LITAF: variants seen among roughly 807,000 people sequenced by gnomAD.
The protein encoded by LITAF is lipopolysaccharide-induced tumor necrosis factor-alpha factor.
Under a neutral mutation model 14.5 loss-of-function variants are expected in LITAF, and 9 were observed. The observed-to-expected ratio is 0.62, with a 90% CI of 0.37 to 1.08. LITAF has a LOEUF of 1.08. Among genes scored for constraint, LITAF ranks in the 50% least tolerant of loss-of-function variants. The probability of loss-of-function intolerance (pLI) is 0.01; values close to 1 mark genes in which losing one functional copy is unlikely to be tolerated. For missense variants in LITAF, 206 were observed against 213.4 expected, an observed-to-expected ratio of 0.97 and a Z score of 0.22; for synonymous variants, 98 against 88.2, an observed-to-expected ratio of 1.11 and a Z score of -0.62.
intron 1 of LITAF, chr16:11,561,513 A>G (rs2064365702): frequency 6.6e-6 from 1 of 152,226 alleles, no homozygotes; most frequent in Admixed American, 6.5e-5. Flanking sequence ...TGGGATTTCG[A>G]GACACTGCAT....
At chr16:11,604,858 G>T (rs763025530) in intron 3 of LITAF, among the ~76,000 whole-genome samples, 1 of 151,422 alleles carries the variant, frequency 6.6e-6, no homozygotes, top group Non-Finnish European at 1.5e-5. Context: ...CCCCTGAAAC[G>T]CTGCGTCAAA....
chr16:11,571,427 T>G (rs1284631194), intron 1 of LITAF, among the ~76,000 whole-genome samples: 1 of 152,312 alleles, frequency 6.6e-6, no homozygotes, highest in Admixed American at 6.5e-5. Flanking sequence ...AACTGGAAGA[T>G]ACTACATTCA....
At chr16:11,578,820 G>GT (rs1260497675) in intron 1 of LITAF, among the ~76,000 whole-genome samples, 2 of 152,278 alleles carry the variant, frequency 1.3e-5, no homozygotes, top group African/African-American at 4.8e-5. Flanking sequence ...TCTTCAAAAA[G>GT]TATCTAGGTT....
rs2065065972 is a variant in LITAF at position 11,623,749 on chromosome 16, C to A, written c.85+9784G>T. ...TGGAAGGTCGAGGTGGGCAGATTAC[C>A]TGAGGTCAGGAGTTCGAGACCAGCC... is the stretch of plus-strand genomic sequence containing the variant. On this transcript the variant is annotated intron_variant, in intron 3 of 3. Coordinates refer to the LITAF transcript ENST00000574848. Among the ~76,000 whole-genome samples the A allele has an allele frequency of 2.7e-5, 4 of 150,868 alleles. No individual in the cohort carries two copies. The South Asian group carries it at 8.4e-4, about 32-fold the overall frequency.
At chr16:11,594,979 C>T (rs1426089556) in intron 1 of LITAF, among the ~76,000 whole-genome samples, 1 of 152,040 alleles carries the variant, frequency 6.6e-6, no homozygotes, top group Non-Finnish European at 1.5e-5. Context: ...GGGAATTTTT[C>T]GTCCTTTTGC....
At chr16:11,563,899 T>C (rs868251831) in intron 1 of LITAF, among the ~76,000 whole-genome samples, 29 of 151,976 alleles carry the variant, frequency 1.9e-4, no homozygotes, top group African/African-American at 6.0e-4. Flanking sequence ...AGCATCTCCA[T>C]CTCAGTTTTG....
At chr16:11,637,956 CTA>C (rs1220050064), upstream of LITAF, among the ~76,000 whole-genome samples, 6 of 53,166 alleles carry the variant, frequency 1.1e-4, 1 homozygote, top group East Asian at 1.7e-3. Flanking sequence ...CTATATATAT[CTA>C]TATATATCTA....
chr16:11,554,567 T>C (rs557821443), intron 2 of LITAF, among the ~76,000 whole-genome samples: 1 of 151,990 alleles, frequency 6.6e-6, no homozygotes, highest in Admixed American at 6.6e-5. Context: ...CCGAGGTGCG[T>C]GGATCACCAG....
chr16:11,606,930 C>T (rs762668261), intron 3 of LITAF, among the ~76,000 whole-genome samples: 9 of 152,178 alleles, frequency 5.9e-5, no homozygotes, highest in Non-Finnish European at 1.0e-4. Context: ...TGAGCCACTG[C>T]GCCCGGCCTA....
chr16:11,581,387 C>G (rs2064731176), intron 1 of LITAF, among the ~76,000 whole-genome samples: 1 of 152,146 alleles, frequency 6.6e-6, no homozygotes, highest in South Asian at 2.1e-4. Context: ...AGGCTCATGC[C>G]TGTAATGGCA....
intron 3 of LITAF, among the ~76,000 whole-genome samples, chr16:11,613,361 C>G (rs1268310967): frequency 2.6e-5 from 4 of 152,194 alleles, no homozygotes; most frequent in African/African-American, 7.2e-5. Context: ...GACCAGACCT[C>G]CTGGGTCACC....
chr16:11,564,416 C>G (rs1462296495), intron 1 of LITAF, among the ~76,000 whole-genome samples: 1 of 152,160 alleles, frequency 6.6e-6, no homozygotes, highest in Non-Finnish European at 1.5e-5. Flanking sequence ...TCAGAATTCT[C>G]TGGAATAGGC....
chr16:11,562,313 C>CAAAAA (rs57317505), intron 1 of LITAF, among the ~76,000 whole-genome samples: 11 of 61,406 alleles, frequency 1.8e-4, no homozygotes, highest in Admixed American at 3.8e-4. Context: ...GACTCCGTCT[C>CAAAAA]AAAAAAAAAA....
chr16:11,574,402 G>C lies in LITAF; in HGVS notation c.-6+12484C>G, dbSNP rs187016039. Among the ~76,000 whole-genome samples, 641 of 152,222 alleles carry C rather than the reference G, an allele frequency of 4.2e-3. 3 individuals are homozygous for C. Among genetic ancestry groups the C allele is most frequent in the South Asian group, 0.022 (104 of 4,828 alleles). On this transcript the variant is annotated intron_variant, in intron 1 of 3. Coordinates refer to ENST00000622633, the MANE Select transcript of LITAF (RefSeq NM_001136472.2). ...CAAAGGCATACATAAGAAACTTAAC[G>C]GTCGGTGTTTGTCGGGAAGGGAACC... is the stretch of plus-strand genomic sequence containing the variant.
At position 11,557,606 on chromosome 16, in the gene LITAF, C is replaced by T. The variant is rs555618901; in HGVS notation, c.-5-871G>A. Among the ~76,000 whole-genome samples, 8 of 152,066 alleles carry T rather than the reference C, an allele frequency of 5.3e-5. No individual in the cohort carries two copies. In the East Asian group the frequency reaches 7.7e-4, roughly 15 times the overall value. ...CTGGGACTACAGGCATGTGCCCCCC[C>T]GCCCGGCTAATGTTTTCATTTTTTG... On this transcript the variant is annotated intron_variant, in intron 1 of 3. Coordinates refer to ENST00000622633, the MANE Select transcript of LITAF (RefSeq NM_001136472.2).
rs1215945264 is a variant in LITAF, at chr16:11,632,776, C to T, written c.85+757G>A. Among the ~76,000 whole-genome samples the T allele has an allele frequency of 6.6e-6, 1 of 152,214 alleles. No individual in the cohort carries two copies. Among genetic ancestry groups the T allele is most frequent in the Non-Finnish European group, 1.5e-5 (1 of 68,026 alleles). On this transcript the variant is annotated intron_variant, in intron 3 of 3. Coordinates refer to the LITAF transcript ENST00000574848. This position sits in a 1 kb window ranked among gnomAD's most constrained non-coding sequence, Gnocchi z 4.8. ...CCCCCATGCACATGACTATGTGGTGCCCTCAGCCCCCGCACGGGTCAGAGT... is the reference window on the plus strand; with the variant it reads ...CCCCCATGCACATGACTATGTGGTGTCCTCAGCCCCCGCACGGGTCAGAGT...
chr16:11,549,663 G>C lies in LITAF; in HGVS notation c.460C>G (p.Leu154Val), dbSNP rs1037563204. Residue 154 changes from leucine to valine, a missense_variant, in exon 4 of 4, where the codon CTC becomes GTC. By Grantham distance (32) the Leu-to-Val change is conservative. Transcript: ENST00000622633. The surrounding 1 kb of genome is among the most constrained non-coding windows in gnomAD (Gnocchi z 4.6). ...TACAAACGCTTGTAGGTGCCCAGGA[G>C]AGCTCTGCAGTTGGGACAGTAATGG... is the stretch of plus-strand genomic sequence containing the variant. ...VDHYCPNCRA[L>V]LGTYKRL 2 of 1,613,564 alleles carry C rather than the reference G, an allele frequency of 1.2e-6. No individual in the cohort carries two copies. The highest frequency in any genetic ancestry group is 1.7e-6 in the Non-Finnish European group (2 of 1,179,762).
At chr16:11,610,240 C>T (rs867273513) in intron 3 of LITAF, among the ~76,000 whole-genome samples, 10 of 152,242 alleles carry the variant, frequency 6.6e-5, no homozygotes, top group Non-Finnish European at 1.5e-5. Context: ...AACAGGGGAT[C>T]TCTATCGGCA....
chr16:11,549,329 G>C lies in LITAF; in HGVS notation c.*308C>G, dbSNP rs1258120362. ...AAAGAGCCACTGATGGCAGATCACA[G>C]GAAGATATTCGGATAGGGCAATGAT... is the stretch of plus-strand genomic sequence containing the variant. On this transcript the variant is annotated 3_prime_UTR_variant, in exon 4 of 4. Transcript: ENST00000622633. The surrounding 1 kb of genome is among the most constrained non-coding windows in gnomAD (Gnocchi z 4.6). 1 of 465,466 alleles carries C rather than the reference G, an allele frequency of 2.1e-6. No individual in the cohort carries two copies. Among genetic ancestry groups the C allele is most frequent in the Admixed American group, 2.3e-5 (1 of 42,960 alleles). The allele number at this position is 465,466 out of a possible 1,614,324, so 28.8% of individuals were successfully genotyped here.
Sources: allele counts gnomAD v4.1 joint callset (sites outside exome capture counted in the v4.1 genomes callset), GRCh38; gene constraint gnomAD v4.1.1; non-coding constraint Gnocchi (gnomAD v3.1); transcripts MANE v1.5; gene names NCBI Gene and HGNC (gene_info 2026-07-23, HGNC 2026-07-21).